CRK: variants seen among roughly 807,000 people sequenced by gnomAD.
CRK encodes adapter molecule crk.
Under a neutral mutation model 29.8 loss-of-function variants are expected in CRK, and 4 were observed. That is an observed-to-expected ratio of 0.13 (90% CI 0.07 to 0.31). The LOEUF (loss-of-function observed/expected upper bound fraction) is 0.31. Ranked by LOEUF, CRK falls within the 10% of genes least tolerant of loss-of-function variation. CRK has a pLI of 1.00. For synonymous variants in CRK, 153 were observed against 164.9 expected, an observed-to-expected ratio of 0.93 and a Z score of 0.55; for missense variants, 274 against 396.5, an observed-to-expected ratio of 0.69 and a Z score of 2.62.
chr17:1,444,814 C>T (rs1424212204), intron 1 of CRK, among the ~76,000 whole-genome samples: 4 of 132,478 alleles, frequency 3.0e-5, no homozygotes, highest in Non-Finnish European at 6.2e-5. Flanking sequence ...GCCTGGGCAA[C>T]AAGAGCAGAA....
intron 1 of CRK, among the ~76,000 whole-genome samples, chr17:1,437,914 C>G (rs949559556): frequency 3.3e-5 from 5 of 151,550 alleles, no homozygotes; most frequent in African/African-American, 1.2e-4. Flanking sequence ...GATCCACCCA[C>G]CTCAGCCTCC....
At chr17:1,449,629 A>G (rs2074002796) in intron 1 of CRK, among the ~76,000 whole-genome samples, 1 of 152,184 alleles carries the variant, frequency 6.6e-6, no homozygotes, top group African/African-American at 2.4e-5. Flanking sequence ...CGACTCTCCT[A>G]ACTCACACTC....
intron 1 of CRK, among the ~76,000 whole-genome samples, chr17:1,446,934 C>T (rs966020904): frequency 6.6e-6 from 1 of 152,194 alleles, no homozygotes; most frequent in East Asian, 1.9e-4. Flanking sequence ...GACACAGAAA[C>T]GTAAGCAAAA....
chr17:1,454,940 C>T (rs2074044817), intron 1 of CRK, among the ~76,000 whole-genome samples: 1 of 152,150 alleles, frequency 6.6e-6, no homozygotes, highest in African/African-American at 2.4e-5. Context: ...ATGTTCTTGG[C>T]GTAGAGTCTG....
At chr17:1,426,056 A>G (rs2073776454) in intron 2 of CRK, among the ~76,000 whole-genome samples, 1 of 143,284 alleles carries the variant, frequency 7.0e-6, no homozygotes, top group African/African-American at 3.0e-5. Flanking sequence ...AGTGTGGCCA[A>G]GCGTGGCCAA....
chr17:1,433,825 GTTTTTTT>G (rs56071119), intron 2 of CRK, among the ~76,000 whole-genome samples: 9 of 127,336 alleles, frequency 7.1e-5, no homozygotes, highest in South Asian at 2.5e-4. Flanking sequence ...AGCATGTATG[GTTTTTTT>G]TTTTTTTTTT....
At position 1,421,433 on chromosome 17, in the gene CRK, A is replaced by C. The variant is rs2073723347; in HGVS notation, c.*2080T>G. The C allele has an allele frequency of 6.6e-6, 1 of 152,238 alleles. No individual in the cohort carries two copies. Among genetic ancestry groups the C allele is most frequent in the South Asian group, 2.1e-4 (1 of 4,838 alleles). 9.4% of individuals were successfully genotyped at this position (152,238 alleles called of 1,614,324 possible). On this transcript the variant is annotated 3_prime_UTR_variant, in exon 3 of 3. Transcript: ENST00000300574. ...GTTCTAACTGAAAATTTAACAAAGC[A>C]GTCAGATGGAATTACATGTAGTATT...
intron 1 of CRK, among the ~76,000 whole-genome samples, chr17:1,455,496 C>A (rs1474240631): frequency 3.9e-5 from 6 of 152,216 alleles, no homozygotes; most frequent in African/African-American, 1.4e-4. Context: ...GTAGGATTAT[C>A]GGATTCATTC....
chr17:1,449,738 C>T (rs1387763480), intron 1 of CRK, among the ~76,000 whole-genome samples: 2 of 152,166 alleles, frequency 1.3e-5, no homozygotes, highest in African/African-American at 2.4e-5. Flanking sequence ...CCCAACCTGA[C>T]AGAATGTGAC....
In CRK at chr17:1,443,857, G is replaced by A. The variant is rs146963450; in HGVS notation, c.242-6702C>T. 1.3e-3 allele frequency among the ~76,000 whole-genome samples: 190 copies of A among 151,154 alleles called. 1 individual carries two copies. Among genetic ancestry groups the A allele is most frequent in the African/African-American group, 4.3e-3 (177 of 41,268 alleles). Reference sequence around the variant, plus strand: ...TGGGATTATAGGCACCCGCCACCACGCCCGGCTAATTTTTTTGTATTTTTA... The same window carrying A: ...TGGGATTATAGGCACCCGCCACCACACCCGGCTAATTTTTTTGTATTTTTA... On this transcript the variant is annotated intron_variant, in intron 1 of 2. Transcript: ENST00000300574.
chr17:1,436,334 C>T (rs533586851), intron 2 of CRK, among the ~76,000 whole-genome samples: 1 of 152,254 alleles, frequency 6.6e-6, no homozygotes, highest in East Asian at 1.9e-4. Context: ...TGAGGAAAAA[C>T]ATTTGAGGTT....
intron 2 of CRK, chr17:1,424,681 C>T (rs2073760035): frequency 6.6e-6 from 1 of 152,236 alleles, no homozygotes; most frequent in Admixed American, 6.5e-5. Context: ...CTCAAAGCCG[C>T]TTGTTACCTG....
intron 1 of CRK, 91 bp downstream of exon 1, chr17:1,455,786 C>G: frequency 7.2e-7 from 1 of 1,386,140 alleles, no homozygotes; most frequent in Non-Finnish European, 9.3e-7. Flanking sequence ...CCCACGACCC[C>G]CGAGGGTCCG....
chr17:1,449,091 G>A (rs1353372886), intron 1 of CRK, among the ~76,000 whole-genome samples: 4 of 152,034 alleles, frequency 2.6e-5, no homozygotes, highest in African/African-American at 2.4e-5. Flanking sequence ...TCACTACCTC[G>A]AGGGAGTATC....
chr17:1,444,470 A>G (rs1193366423), intron 1 of CRK, among the ~76,000 whole-genome samples: 1 of 151,978 alleles, frequency 6.6e-6, no homozygotes, highest in African/African-American at 2.4e-5. Context: ...GCCTGCAGTG[A>G]GTCAAGACTG....
At chr17:1,429,669 T>C (rs143950514) in intron 2 of CRK, among the ~76,000 whole-genome samples, 187 of 151,354 alleles carry the variant, frequency 1.2e-3, no homozygotes, top group African/African-American at 4.4e-3. Flanking sequence ...CTCACACCTA[T>C]AATCCCAGTG....
chr17:1,437,725 C>T (rs1430198707), intron 1 of CRK, among the ~76,000 whole-genome samples: 1 of 151,752 alleles, frequency 6.6e-6, no homozygotes, highest in Non-Finnish European at 1.5e-5. Flanking sequence ...GTGATCTCTG[C>T]TCACTGCAAC....
rs139305627 is a variant in CRK at position 1,443,045 on chromosome 17, C to G, written c.242-5890G>C. ...CCAGGCTGGAGTGCAGTGGTGCGAT[C>G]CTGGCTCACTGCAACCTCTCTCTCC... On this transcript the variant is annotated intron_variant, in intron 1 of 2. Coordinates refer to ENST00000300574, the MANE Select transcript of CRK (RefSeq NM_016823.4). Among the ~76,000 whole-genome samples the G allele has an allele frequency of 4.3e-3, 650 of 150,978 alleles. 8 individuals carry two copies. The highest frequency in any genetic ancestry group is 7.1e-3 in the Non-Finnish European group (483 of 67,816).
At chr17:1,436,010 G>GTAATTA (rs2150905431) in intron 2 of CRK, among the ~76,000 whole-genome samples, 1 of 152,244 alleles carries the variant, frequency 6.6e-6, no homozygotes, top group African/African-American at 2.4e-5. Flanking sequence ...CATCAGTAAA[G>GTAATTA]GCAAAAATTA....
Sources: allele counts gnomAD v4.1 joint callset (sites outside exome capture counted in the v4.1 genomes callset), GRCh38; gene constraint gnomAD v4.1.1; transcripts MANE v1.5; gene names NCBI Gene and HGNC (gene_info 2026-07-23, HGNC 2026-07-21).